The following KIF1B variants were observed in gnomAD, a reference collection of about 807,000 sequenced individuals.
KIF1B encodes kinesin family member 1B.
A neutral mutation model predicts 241.9 loss-of-function variants in KIF1B; 76 were observed. That is an observed-to-expected ratio of 0.31 (90% CI 0.26 to 0.38). The LOEUF (loss-of-function observed/expected upper bound fraction) is 0.38. KIF1B is among the 10% of genes least tolerant of loss of function. The pLI is 1.00. For missense variants in KIF1B, 1,622 were observed against 2,271.4 expected (o/e 0.71, Z 5.81); for synonymous variants, 750 against 796.7 (o/e 0.94, Z 0.99).
At chr1:10,370,859 G>A (rs1408665853) in intron 44 of KIF1B, among the ~76,000 whole-genome samples, 1 of 152,042 alleles carries the variant, frequency 6.6e-6, no homozygotes, top group Non-Finnish European at 1.5e-5. Context: ...TACTCAGGAA[G>A]CCAGGGCACA....
At position 10,323,878 on chromosome 1, in the gene KIF1B, A is replaced by C; in HGVS notation, c.2359-6A>C. On this transcript the variant is annotated splice_polypyrimidine_tract_variant and splice_region_variant and intron_variant, in intron 24 of 48. Transcript: ENST00000676179. The stretch of plus-strand genomic sequence containing the variant: ...CATTTGTCAATGGTTTATTCTTTCT[A>C]TTCAGGTGCAGTTTCAGTTTGTTCT... 3.1e-6 allele frequency: 5 copies of C among 1,612,818 alleles called. No homozygotes were observed. The highest frequency in any genetic ancestry group is 4.2e-6 in the Non-Finnish European group (5 of 1,178,804).
chr1:10,330,817 T>C (rs1651893023), intron 27 of KIF1B, among the ~76,000 whole-genome samples: 1 of 152,226 alleles, frequency 6.6e-6, no homozygotes, highest in Non-Finnish European at 1.5e-5. Context: ...TATAGTCTGA[T>C]GGATGACACA....
chr1:10,295,657 C>G lies in KIF1B; in HGVS notation c.1671-3C>G, dbSNP rs1302986414. 2 of 1,612,814 alleles carry G rather than the reference C, an allele frequency of 1.2e-6. No individual in the cohort carries two copies. Among genetic ancestry groups the G allele is most frequent in the Non-Finnish European group, 8.5e-7 (1 of 1,179,232 alleles). ...CCTGGGAAACACTTTCTCTTGTGTT[C>G]AGGGTTGGCCAAGCAGATGCTGAGC... is the stretch of plus-strand genomic sequence containing the variant. On this transcript the variant is annotated splice_polypyrimidine_tract_variant and splice_region_variant and intron_variant, in intron 18 of 48. Transcript: ENST00000676179.
At chr1:10,324,983 GA>G in intron 26 of KIF1B, 88 bp downstream of exon 26, 1 of 1,511,966 alleles carries the variant, frequency 6.6e-7, no homozygotes, top group Non-Finnish European at 9.1e-7. Context: ...AAAAAGTTAA[GA>G]GGAAAAAAAA....
intron 45 of KIF1B, among the ~76,000 whole-genome samples, chr1:10,373,051 A>G (rs1221954399): frequency 6.6e-6 from 1 of 151,206 alleles, no homozygotes; most frequent in Non-Finnish European, 1.5e-5. Context: ...TGCTGACCTT[A>G]TGATCCACCC....
Position 10,371,214 on chromosome 1 carries a change from C to T in KIF1B, c.4898C>T (p.Ser1633Phe). 6.2e-7 allele frequency: 1 copy of T among 1,614,116 alleles called. No homozygotes were observed. The highest frequency in any genetic ancestry group is 8.5e-7 in the Non-Finnish European group (1 of 1,179,958). Residue 1633 changes from serine to phenylalanine, a missense_variant, in exon 45 of 49, where the codon TCC becomes TTC. Transcript: ENST00000676179. ...SFSSATLTPS[S>F]TCPSLVDSRS... ...AGCAGTGCCACCCTCACTCCCTCCT[C>T]CACCTGTCCCTCTCTGGTAGACTCT... is the stretch of plus-strand genomic sequence containing the variant.
chr1:10,291,595 C>T (rs1438111853), intron 16 of KIF1B, among the ~76,000 whole-genome samples: 1 of 151,850 alleles, frequency 6.6e-6, no homozygotes, highest in African/African-American at 2.4e-5. Context: ...ACCTGTAGTC[C>T]CAGCTACTCG....
At chr1:10,212,667 T>C (rs1237284495) in intron 1 of KIF1B, among the ~76,000 whole-genome samples, 16 of 151,974 alleles carry the variant, frequency 1.1e-4, no homozygotes, top group Non-Finnish European at 2.9e-5. Context: ...GAGGATCCCT[T>C]GAGCTCAGGA....
At chr1:10,304,223 T>C in intron 22 of KIF1B, 2 of 1,614,130 alleles carry the variant, frequency 1.2e-6, no homozygotes, top group Non-Finnish European at 1.7e-6. Context: ...AAAGGAGCTT[T>C]TAAGGATCCC....
intron 2 of KIF1B, among the ~76,000 whole-genome samples, chr1:10,240,111 C>T (rs1647114996): frequency 6.6e-6 from 1 of 152,122 alleles, no homozygotes; most frequent in Non-Finnish European, 1.5e-5. Context: ...CCCGTATTGG[C>T]CAGGCTGGTC....
intron 10 of KIF1B, among the ~76,000 whole-genome samples, chr1:10,273,709 CAAAAAAAAAAAAA>C (rs56349613): frequency 6.1e-5 from 3 of 49,578 alleles, no homozygotes; most frequent in Admixed American, 2.9e-4. Context: ...TCCTCCTCCT[CAAAAAAAAAAAAA>C]AAAAAAAAAA....
chr1:10,297,392 C>A, intron 22 of KIF1B, 146 bp downstream of exon 22: 1 of 815,562 alleles, frequency 1.2e-6, no homozygotes, highest in Non-Finnish European at 2.1e-6. Context: ...GGAGAATGAA[C>A]TTAAATCTCC....
rs1466784298 is a variant in KIF1B, at chr1:10,375,885, C to T, written c.5408+512C>T. On this transcript the variant is annotated intron_variant, in intron 48 of 48. Coordinates refer to ENST00000676179, the MANE Select transcript of KIF1B (RefSeq NM_001365951.3). ...GATATCGGCTCACCGCAACCTCCAC[C>T]TCCCAGGTTCAAGCCATTCTCCTGC... is the stretch of plus-strand genomic sequence containing the variant. Among the ~76,000 whole-genome samples, 6 of 149,384 alleles carry T rather than the reference C, an allele frequency of 4.0e-5. No individual in the cohort carries two copies. The East Asian group carries it at 9.8e-4, about 24-fold the overall frequency.
chr1:10,222,989 C>T (rs1228064466), intron 1 of KIF1B, among the ~76,000 whole-genome samples: 3 of 152,184 alleles, frequency 2.0e-5, no homozygotes, highest in Non-Finnish European at 4.4e-5. Context: ...TGTGGTGGCT[C>T]ACGCCTGTAA....
chr1:10,342,583 T>G (rs1202184984), intron 33 of KIF1B, among the ~76,000 whole-genome samples: 1 of 152,214 alleles, frequency 6.6e-6, no homozygotes, highest in Non-Finnish European at 1.5e-5. Context: ...GCAGAAGAAT[T>G]TTTTTATTTA....
At chr1:10,358,703 A>G (rs1638328334) in intron 38 of KIF1B, among the ~76,000 whole-genome samples, 1 of 149,888 alleles carries the variant, frequency 6.7e-6, no homozygotes, top group African/African-American at 2.5e-5. Context: ...AAAAAAAAAC[A>G]GATCTCACAA....
At chr1:10,330,377 C>G (rs1651876520) in intron 27 of KIF1B, among the ~76,000 whole-genome samples, 1 of 152,024 alleles carries the variant, frequency 6.6e-6, no homozygotes, top group Non-Finnish European at 1.5e-5. Flanking sequence ...TCAATGCTCC[C>G]ACACTTGGAC....
At chr1:10,228,012 C>G (rs956294163) in intron 1 of KIF1B, among the ~76,000 whole-genome samples, 2 of 151,824 alleles carry the variant, frequency 1.3e-5, no homozygotes, top group African/African-American at 4.8e-5. Flanking sequence ...TGGTGAAACC[C>G]TGTCTCTACT....
intron 1 of KIF1B, among the ~76,000 whole-genome samples, chr1:10,227,026 GTC>G (rs1363802885): frequency 1.5e-5 from 2 of 130,260 alleles, no homozygotes; most frequent in Non-Finnish European, 3.2e-5. Context: ...AATAACGCAA[GTC>G]TCTCTTTTTT....
Sources: allele counts gnomAD v4.1 joint callset (sites outside exome capture counted in the v4.1 genomes callset), GRCh38; gene constraint gnomAD v4.1.1; transcripts MANE v1.5; gene names NCBI Gene and HGNC (gene_info 2026-07-23, HGNC 2026-07-21).